The following TMEM132E variants were observed in gnomAD, a reference collection of about 807,000 sequenced individuals.
TMEM132E encodes transmembrane protein 132E.
TMEM132E carries 49 observed loss-of-function variants against 78.5 expected under a neutral mutation model. That is an observed-to-expected ratio of 0.62 (90% CI 0.50 to 0.79). The LOEUF is 0.79. Ranked by LOEUF, TMEM132E falls within the 30% of genes least tolerant of loss-of-function variation. The pLI is 0.00. For synonymous variants in TMEM132E, 715 were observed against 670.6 expected (o/e 1.07, Z -1.02); for missense variants, 1,403 against 1,470.9 (o/e 0.95, Z 0.75).
At chr17:34,602,920 A>G (rs1567713583) in intron 1 of TMEM132E, among the ~76,000 whole-genome samples, 1 of 152,172 alleles carries the variant, frequency 6.6e-6, no homozygotes. Context: ...GTCATTGCAA[A>G]GAGAGATGCC....
chr17:34,597,426 T>A (rs1906098041), intron 1 of TMEM132E, among the ~76,000 whole-genome samples: 2 of 152,120 alleles, frequency 1.3e-5, no homozygotes, highest in African/African-American at 4.8e-5. Context: ...AGGAAAAAGA[T>A]CTTAGGATCT....
At chr17:34,628,930 G>A in intron 3 of TMEM132E, 82 bp from the exon 4 acceptor site, 2 of 1,476,680 alleles carry the variant, frequency 1.4e-6, no homozygotes, top group Non-Finnish European at 1.8e-6. Context: ...GGAGGGGTGG[G>A]GTCCCCACTG....
rs140620263 is a variant in TMEM132E at position 34,625,932 on chromosome 17, C to T, written c.68-195C>T. Among the ~76,000 whole-genome samples, 725 of 152,306 alleles carry T rather than the reference C, an allele frequency of 4.8e-3. 8 individuals are homozygous for T. Among genetic ancestry groups the T allele is most frequent in the Non-Finnish European group, 7.9e-3 (538 of 68,022 alleles). Reference sequence around the variant, plus strand: ...ATTCACATACCAGCAAAGGGGGTGCCAGGCTTGGAGCTCTGGGAGCCAGGC... The same window carrying T: ...ATTCACATACCAGCAAAGGGGGTGCTAGGCTTGGAGCTCTGGGAGCCAGGC... On this transcript the variant is annotated intron_variant, in intron 1 of 8. Coordinates refer to ENST00000631683, the MANE Select transcript of TMEM132E (RefSeq NM_001304438.2).
chr17:34,603,301 A>G (rs1475399709), intron 1 of TMEM132E, among the ~76,000 whole-genome samples: 1 of 152,038 alleles, frequency 6.6e-6, no homozygotes, highest in Admixed American at 6.6e-5. Context: ...CTGGAGGGTA[A>G]CAGACACAGA....
chr17:34,626,731 G>A lies in TMEM132E; in HGVS notation c.672G>A (p.Thr224=), dbSNP rs1324122286. 51 of 1,372,936 alleles carry A rather than the reference G, an allele frequency of 3.7e-5. No individual in the cohort carries two copies. The highest frequency in any genetic ancestry group is 4.5e-5 in the Non-Finnish European group (47 of 1,044,490). The allele number at this position is 1,372,936 out of a possible 1,614,324, so 85.0% of individuals were successfully genotyped here. A position where few individuals can be genotyped will look rare whatever the true frequency, so the allele number is the denominator to read the frequency against. ...KSPDGLEPEA[T]GESQQAELYY... ...CGGACGGGCTGGAGCCCGAGGCGAC[G>A]GGGGAGAGCCAGCAGGCCGAGCTCT... Residue 224 remains threonine, a synonymous_variant, in exon 2 of 9, where the codon ACG becomes ACA. Coordinates refer to ENST00000631683, the MANE Select transcript of TMEM132E (RefSeq NM_001304438.2).
rs755485921 is a variant in TMEM132E at position 34,637,510 on chromosome 17, G to A, written c.2503G>A (p.Gly835Ser). The change falls in exon 9 of 9, where the codon GGC becomes AGC. Residue 835 changes from glycine to serine, a missense_variant. Physicochemically the swap from Gly to Ser is moderately conservative, Grantham distance 56. Coordinates refer to ENST00000631683, the MANE Select transcript of TMEM132E (RefSeq NM_001304438.2). ...CCCCAGCCAACCAGGGCCCGGCGGG[G>A]GCGAGGACGAGGCCCGGGGAGCTGG... ...PGPSQPGPGG[G>S]EDEARGAGPP... The A allele has an allele frequency of 1.9e-6, 3 of 1,605,668 alleles. No homozygotes were observed. Among genetic ancestry groups the A allele is most frequent in the Non-Finnish European group, 1.7e-6 (2 of 1,176,882 alleles).
At chr17:34,587,644 T>C (rs536522449) in intron 1 of TMEM132E, among the ~76,000 whole-genome samples, 5 of 152,276 alleles carry the variant, frequency 3.3e-5, no homozygotes, top group African/African-American at 1.2e-4. Flanking sequence ...AGCCAGTGTA[T>C]TTTTAGTAGC....
At chr17:34,583,628 T>C (rs1905570061) in intron 1 of TMEM132E, among the ~76,000 whole-genome samples, 1 of 152,186 alleles carries the variant, frequency 6.6e-6, no homozygotes, top group South Asian at 2.1e-4. Flanking sequence ...AGTTGCAGTT[T>C]TCTGTGCCTG....
chr17:34,626,004 C>T, intron 1 of TMEM132E, 123 bp from the exon 2 acceptor site: 2 of 932,478 alleles, frequency 2.1e-6, no homozygotes, highest in Non-Finnish European at 1.5e-6. Context: ...CCAGGCTGAA[C>T]CTGCCCAGCT....
chr17:34,613,205 A>ACGCG (rs1238614267), intron 1 of TMEM132E, among the ~76,000 whole-genome samples: 21 of 103,482 alleles, frequency 2.0e-4, no homozygotes, highest in African/African-American at 4.3e-4. Flanking sequence ...ACCCACACAC[A>ACGCG]CACACACGCG....
At chr17:34,608,785 A>G (rs1254581953) in intron 1 of TMEM132E, among the ~76,000 whole-genome samples, 1 of 152,208 alleles carries the variant, frequency 6.6e-6, no homozygotes, top group Non-Finnish European at 1.5e-5. Flanking sequence ...TTAGCATTGA[A>G]GAAGATATCA....
Position 34,637,801 on chromosome 17 carries a change from T to C in TMEM132E, c.2794T>C (p.Ser932Pro). The C allele has an allele frequency of 6.2e-7, 1 of 1,613,076 alleles. No individual in the cohort carries two copies. Among genetic ancestry groups the C allele is most frequent in the Admixed American group, 1.7e-5 (1 of 60,026 alleles). The change falls in exon 9 of 9, where the codon TCT becomes CCT. Residue 932 changes from serine (S) to proline (P), a missense_variant. Ser to Pro is a moderately conservative substitution (Grantham distance 74, BLOSUM62 -1). Around this residue, in one of 3 missense-constraint regions of TMEM132E, gnomAD observed 888 missense variants for 952.8 expected, o/e 0.93. Transcript: ENST00000631683. Reference protein sequence around the residue: ...PPEGQTSMDHSHHWVFLGNGQ... With the variant: ...PPEGQTSMDHPHHWVFLGNGQ... Reference sequence around the variant, plus strand: ...CGAGGGCCAGACCAGCATGGACCACTCTCACCACTGGGTGTTCCTGGGCAA... The same window carrying C: ...CGAGGGCCAGACCAGCATGGACCACCCTCACCACTGGGTGTTCCTGGGCAA...
chr17:34,629,236 C>T (rs1168265569), intron 4 of TMEM132E, 32 bp downstream of exon 4: 2 of 1,606,940 alleles, frequency 1.2e-6, no homozygotes, highest in African/African-American at 1.3e-5. Flanking sequence ...CCAGAAGATG[C>T]CTGGGTCTAT....
chr17:34,611,087 G>A (rs977529548), intron 1 of TMEM132E, among the ~76,000 whole-genome samples: 1 of 152,238 alleles, frequency 6.6e-6, no homozygotes, highest in Non-Finnish European at 1.5e-5. Flanking sequence ...TGAAACTGCT[G>A]CCTGGAATTT....
At chr17:34,586,338 C>T (rs920551643) in intron 1 of TMEM132E, among the ~76,000 whole-genome samples, 1 of 152,054 alleles carries the variant, frequency 6.6e-6, no homozygotes, top group Non-Finnish European at 1.5e-5. Context: ...ATTTTTCCTT[C>T]TCTGTCTTCT....
At chr17:34,608,720 G>C (rs1230148298) in intron 1 of TMEM132E, among the ~76,000 whole-genome samples, 1 of 152,210 alleles carries the variant, frequency 6.6e-6, no homozygotes, top group Non-Finnish European at 1.5e-5. Flanking sequence ...CGCAGCCGTG[G>C]ACCATTCAAA....
At chr17:34,613,401 G>T (rs1906677543) in intron 1 of TMEM132E, among the ~76,000 whole-genome samples, 1 of 131,634 alleles carries the variant, frequency 7.6e-6, no homozygotes, top group Non-Finnish European at 1.6e-5. Context: ...CGCTGCTCCT[G>T]CTTAGCTGGC....
chr17:34,611,073 C>T (rs774161892), intron 1 of TMEM132E, among the ~76,000 whole-genome samples: 1 of 152,240 alleles, frequency 6.6e-6, no homozygotes, highest in Admixed American at 6.5e-5. Flanking sequence ...AGCCTCTAGT[C>T]ATGTGAAACT....
intron 1 of TMEM132E, among the ~76,000 whole-genome samples, chr17:34,609,726 T>A (rs1906527865): frequency 6.6e-6 from 1 of 152,176 alleles, no homozygotes; most frequent in Admixed American, 6.5e-5. Context: ...GATCTATTAT[T>A]TTTGCAACAG....
Sources: gnomAD v4.1 joint callset for allele counts (sites outside exome capture counted in the v4.1 genomes callset) on GRCh38, gnomAD v4.1.1 for gene constraint, gnomAD v4.1.1 regional missense constraint, MANE v1.5 for transcripts, NCBI Gene and HGNC (gene_info 2026-07-23, HGNC 2026-07-21) for gene names.